PTPRD: variants seen among roughly 807,000 people sequenced by gnomAD.
PTPRD encodes receptor-type tyrosine-protein phosphatase delta.
PTPRD carries 34 observed loss-of-function variants against 214.5 expected under a neutral mutation model. The observed-to-expected ratio is 0.16, with a 90% CI of 0.12 to 0.21. PTPRD has a LOEUF of 0.21. Among genes scored for constraint, PTPRD ranks in the 10% least tolerant of loss-of-function variants. PTPRD has a pLI of 1.00. For missense variants in PTPRD, 2,545 were observed against 2,398.7 expected (o/e 1.06, Z -1.27); for synonymous variants, 1,128 against 845.7 (o/e 1.33, Z -5.79).
At chr9:10,209,567 C>G (rs1190612160) in intron 3 of PTPRD, among the ~76,000 whole-genome samples, 1 of 152,060 alleles carries the variant, frequency 6.6e-6, no homozygotes, top group South Asian at 2.1e-4. Flanking sequence ...ACAGTTGATC[C>G]TTAGTCCCTA....
At chr9:9,824,156 G>T (rs2476593) in intron 5 of PTPRD, among the ~76,000 whole-genome samples, 1 of 151,380 alleles carries the variant, frequency 6.6e-6, no homozygotes, top group Non-Finnish European at 1.5e-5. Context: ...CTTAGCAAAG[G>T]TATCTCATTA....
intron 10 of PTPRD, among the ~76,000 whole-genome samples, chr9:9,126,588 TGA>T (rs1248326566): frequency 6.6e-6 from 1 of 152,218 alleles, no homozygotes; most frequent in African/African-American, 2.4e-5. Context: ...GAAATTAATG[TGA>T]GTTATATATA....
chr9:10,055,254 T>C (rs997244474), intron 3 of PTPRD, among the ~76,000 whole-genome samples: 1 of 152,152 alleles, frequency 6.6e-6, no homozygotes, highest in African/African-American at 2.4e-5. Flanking sequence ...ACTGGTCTGG[T>C]GCGACTTTTC....
At chr9:9,645,047 G>A (rs2096105903) in intron 7 of PTPRD, among the ~76,000 whole-genome samples, 1 of 152,220 alleles carries the variant, frequency 6.6e-6, no homozygotes, top group African/African-American at 2.4e-5. Context: ...TTAGCCATCT[G>A]CAGACAGCAA....
intron 7 of PTPRD, among the ~76,000 whole-genome samples, chr9:9,602,895 C>T (rs1199269306): frequency 1.3e-5 from 2 of 151,878 alleles, no homozygotes; most frequent in Non-Finnish European, 2.9e-5. Context: ...TTATAAAATT[C>T]TAAATAATTT....
At chr9:8,682,098 G>A (rs1261004742) in intron 12 of PTPRD, among the ~76,000 whole-genome samples, 3 of 152,074 alleles carry the variant, frequency 2.0e-5, no homozygotes, top group Non-Finnish European at 4.4e-5. Context: ...CAGCAAAATA[G>A]CGATATAGAC....
intron 14 of PTPRD, among the ~76,000 whole-genome samples, chr9:8,625,473 T>C (rs2095994407): frequency 6.6e-6 from 1 of 151,832 alleles, no homozygotes; most frequent in Admixed American, 6.6e-5. Flanking sequence ...TTAATATTGA[T>C]TTTCTGGTCT....
intron 11 of PTPRD, among the ~76,000 whole-genome samples, chr9:8,875,495 G>T (rs1437697913): frequency 6.6e-6 from 1 of 152,048 alleles, no homozygotes; most frequent in African/African-American, 2.4e-5. Context: ...TCTTTGTTTG[G>T]TTCCTTTGTG....
chr9:8,577,321 T>C (rs2092540067), intron 14 of PTPRD, among the ~76,000 whole-genome samples: 1 of 152,162 alleles, frequency 6.6e-6, no homozygotes, highest in Admixed American at 6.5e-5. Context: ...ATTGGCGTGA[T>C]CTTGGCTCAC....
chr9:9,210,579 C>T (rs989787933), intron 9 of PTPRD, among the ~76,000 whole-genome samples: 1 of 152,038 alleles, frequency 6.6e-6, no homozygotes, highest in Non-Finnish European at 1.5e-5. Context: ...TAAAACATCT[C>T]TTACCATTTT....
intron 10 of PTPRD, among the ~76,000 whole-genome samples, chr9:9,027,753 G>C (rs1590062375): frequency 6.6e-6 from 1 of 151,808 alleles, no homozygotes; most frequent in African/African-American, 2.4e-5. Context: ...GGTGAAGTTT[G>C]TTATCTCTAA....
intron 44 of PTPRD, 61 bp downstream of exon 44, chr9:8,331,503 AACTTACTACAAAAAGTGT>A (rs1841043361): frequency 6.6e-7 from 1 of 1,510,378 alleles, no homozygotes. Context: ...CAAATAAGCA[AACTTACTACAAAAAGTGT>A]ATACAGACAA....
chr9:10,115,835 A>G (rs2098726501), intron 3 of PTPRD, among the ~76,000 whole-genome samples: 1 of 152,130 alleles, frequency 6.6e-6, no homozygotes, highest in Non-Finnish European at 1.5e-5. Flanking sequence ...ATAAATCTAT[A>G]TCAAAAACGG....
At position 9,624,168 on chromosome 9, in the gene PTPRD, T is replaced by C. The variant is rs577386578; in HGVS notation, c.-286-49387A>G. On this transcript the variant is annotated intron_variant, in intron 7 of 45. Coordinates refer to ENST00000381196, the MANE Select transcript of PTPRD (RefSeq NM_002839.4). ...TGGATAAAGCAAGTCTTAATTGCCATCATCTTACATTGTATTATTTTTTTT... is the reference window on the plus strand; with the variant it reads ...TGGATAAAGCAAGTCTTAATTGCCACCATCTTACATTGTATTATTTTTTTT... 4.6e-5 allele frequency among the ~76,000 whole-genome samples: 7 copies of C among 152,340 alleles called. No individual in the cohort carries two copies. In the East Asian group the frequency reaches 7.7e-4, roughly 17 times the overall value.
chr9:8,907,344 A>G (rs1353121497), intron 11 of PTPRD, among the ~76,000 whole-genome samples: 1 of 151,768 alleles, frequency 6.6e-6, no homozygotes, highest in African/African-American at 2.4e-5. Flanking sequence ...CAAGGAATAA[A>G]ATAGTATTTA....
chr9:9,440,132 C>T (rs949546289), intron 8 of PTPRD, among the ~76,000 whole-genome samples: 2 of 152,080 alleles, frequency 1.3e-5, no homozygotes, highest in African/African-American at 4.8e-5. Flanking sequence ...TATATATAAG[C>T]ATTAGATAAG....
intron 9 of PTPRD, among the ~76,000 whole-genome samples, chr9:9,276,494 A>G (rs924001977): frequency 2.6e-5 from 4 of 151,256 alleles, no homozygotes; most frequent in Admixed American, 1.3e-4. Context: ...GAAATTCTAG[A>G]TCAATTGAGA....
At chr9:8,955,129 G>C (rs921591142) in intron 11 of PTPRD, among the ~76,000 whole-genome samples, 1 of 151,824 alleles carries the variant, frequency 6.6e-6, no homozygotes, top group Non-Finnish European at 1.5e-5. Context: ...AGCTGAAGTG[G>C]GATATAATAA....
Position 9,887,105 on chromosome 9 carries a change from AAC to A in PTPRD, c.-368+51400_-368+51401del, listed in dbSNP as rs530288986. Among the ~76,000 whole-genome samples, 373 of 152,244 alleles carry A rather than the reference AAC, an allele frequency of 2.5e-3. 1 individual carries two copies. Among genetic ancestry groups the A allele is most frequent in the African/African-American group, 8.5e-3 (354 of 41,560 alleles). ...TAAGTCCCTTCTCCCATACCTTGGA[AAC>A]ACAGTGACTTACACATTGGTGGCAA... On this transcript the variant is annotated intron_variant, in intron 5 of 45. Transcript: ENST00000381196.
Sources: allele counts gnomAD v4.1 joint callset (sites outside exome capture counted in the v4.1 genomes callset), GRCh38; gene constraint gnomAD v4.1.1; transcripts MANE v1.5; gene names NCBI Gene and HGNC (gene_info 2026-07-23, HGNC 2026-07-21).